XXYLT1: variants seen among roughly 807,000 people sequenced by gnomAD.
The protein encoded by XXYLT1 is xyloside xylosyltransferase 1.
In XXYLT1, 20 loss-of-function variants were observed where a neutral mutation model predicts 28.9. The ratio of observed to expected loss-of-function variants is 0.69; its 90% CI spans 0.49 to 1.00. The LOEUF is 1.00. Among genes scored for constraint, XXYLT1 ranks in the 50% least tolerant of loss-of-function variants. The pLI is 0.00. For synonymous variants in XXYLT1, 257 were observed against 253.8 expected (o/e 1.01, Z -0.12); for missense variants, 542 against 560.1 (o/e 0.97, Z 0.33).
intron 3 of XXYLT1, among the ~76,000 whole-genome samples, chr3:195,153,300 C>T (rs1328934202): frequency 2.0e-5 from 3 of 152,228 alleles, no homozygotes; most frequent in African/African-American, 7.2e-5. Flanking sequence ...CCTTGTCGGC[C>T]AGCCAGTACC....
chr3:195,210,311 C>A lies in XXYLT1; in HGVS notation c.652+16398G>T, dbSNP rs1056650011. Reference sequence around the variant, plus strand: ...CTCGCCTCTTGCTCCCTGTGTGACACCCACTCACTTGGGGTCCCTCCACCA... The same window carrying A: ...CTCGCCTCTTGCTCCCTGTGTGACAACCACTCACTTGGGGTCCCTCCACCA... On this transcript the variant is annotated intron_variant, in intron 2 of 3. Coordinates refer to ENST00000310380, the MANE Select transcript of XXYLT1 (RefSeq NM_152531.5). This position sits in a 1 kb window ranked among gnomAD's most constrained non-coding sequence, Gnocchi z 4.8. 1.3e-5 allele frequency among the ~76,000 whole-genome samples: 2 copies of A among 152,224 alleles called. No homozygotes were observed. The highest frequency in any genetic ancestry group is 2.9e-5 in the Non-Finnish European group (2 of 68,042).
intron 2 of XXYLT1, among the ~76,000 whole-genome samples, chr3:195,201,285 G>A (rs893188942): frequency 6.6e-6 from 1 of 152,192 alleles, no homozygotes; most frequent in African/African-American, 2.4e-5. Context: ...TAGAGTGCAT[G>A]TGAGGAAGGG....
At chr3:195,270,444 C>A in intron 1 of XXYLT1, 111 bp downstream of exon 1, 1 of 1,340,910 alleles carries the variant, frequency 7.5e-7, no homozygotes. Context: ...GCGGGCAGCT[C>A]AGGGAAGATC....
At chr3:195,186,958 G>A (rs1454010855) in intron 2 of XXYLT1, among the ~76,000 whole-genome samples, 2 of 150,284 alleles carry the variant, frequency 1.3e-5, no homozygotes, top group Non-Finnish European at 3.0e-5. Flanking sequence ...GCAGTGGCGC[G>A]ATCTCGGCTC....
intron 2 of XXYLT1, among the ~76,000 whole-genome samples, chr3:195,161,298 T>C (rs1055449668): frequency 6.6e-6 from 1 of 152,212 alleles, no homozygotes; most frequent in Non-Finnish European, 1.5e-5. Context: ...TTCGCCTCGC[T>C]CGATAGTTTG....
rs1308402511 is a variant in XXYLT1 at position 195,078,609 on chromosome 3, GC to G, written c.786-8499del. 6.6e-6 allele frequency among the ~76,000 whole-genome samples: 1 copy of G among 152,052 alleles called. No individual in the cohort carries two copies. Among genetic ancestry groups the G allele is most frequent in the Non-Finnish European group, 1.5e-5 (1 of 68,010 alleles). On this transcript the variant is annotated intron_variant, in intron 3 of 3. Transcript: ENST00000310380. This position sits in a 1 kb window ranked among gnomAD's most constrained non-coding sequence, Gnocchi z 5.0. ...TCCAAGCCTCCTACTAATATCGACT[GC>G]CCGTTCTCTGCCTCTCACTCAAACA...
At position 195,074,637 on chromosome 3, in the gene XXYLT1, C is replaced by T. The variant is rs11928549; in HGVS notation, c.786-4526G>A. ...AAGTCCACCCAGGCCCAGAGGCTCT[C>T]CGGACACCCTGCGCCCTGGCTGGGT... On this transcript the variant is annotated intron_variant, in intron 3 of 3. Transcript: ENST00000310380. Among the ~76,000 whole-genome samples, 672 of 152,328 alleles carry T rather than the reference C, an allele frequency of 4.4e-3. 2 individuals are homozygous for T. The highest frequency in any genetic ancestry group is 0.016 in the African/African-American group (647 of 41,574).
chr3:195,112,146 C>T (rs1717753244), intron 3 of XXYLT1, among the ~76,000 whole-genome samples: 1 of 152,200 alleles, frequency 6.6e-6, no homozygotes. Flanking sequence ...GAGACCATTT[C>T]TAGCCGTCAG....
chr3:195,194,373 T>G (rs1722541780), intron 2 of XXYLT1, among the ~76,000 whole-genome samples: 1 of 152,098 alleles, frequency 6.6e-6, no homozygotes. Flanking sequence ...ATGAGATACC[T>G]TTATACACTC....
chr3:195,263,542 G>A (rs903017769), intron 1 of XXYLT1, among the ~76,000 whole-genome samples: 4 of 152,162 alleles, frequency 2.6e-5, no homozygotes, highest in Admixed American at 6.5e-5. Context: ...CGCCCCTCAC[G>A]CTGTGCCCCT....
chr3:195,226,541 G>T (rs1477931881), intron 2 of XXYLT1, among the ~76,000 whole-genome samples, 168 bp downstream of exon 2: 1 of 152,044 alleles, frequency 6.6e-6, no homozygotes, highest in Non-Finnish European at 1.5e-5. Context: ...TTGATTCTTG[G>T]TGTAGGAAGC....
intron 3 of XXYLT1, among the ~76,000 whole-genome samples, chr3:195,143,816 A>ATATATTTTTTTTT (rs1491248351): frequency 1.3e-5 from 1 of 78,946 alleles, no homozygotes; most frequent in Non-Finnish European, 2.4e-5. Context: ...ATATATATAG[A>ATATATTTTTTTTT]TATAGATATA....
chr3:195,253,503 C>CTTTT (rs1231480044), intron 1 of XXYLT1, among the ~76,000 whole-genome samples: 2 of 130,234 alleles, frequency 1.5e-5, no homozygotes, highest in African/African-American at 3.0e-5. Context: ...CTTTTTTTTT[C>CTTTT]TTTTTTTTTT....
intron 3 of XXYLT1, among the ~76,000 whole-genome samples, chr3:195,110,478 T>TGTATGCGTGTGTGTGGGGGTGAG (rs1717573176): frequency 5.4e-5 from 1 of 18,398 alleles, no homozygotes; most frequent in African/African-American, 1.8e-4. Flanking sequence ...GTGAGGTGTG[T>TGTATGCGTGTGTGTGGGGGTGAG]GTGTATGTGG....
At chr3:195,157,419 G>A (rs1007338259) in intron 2 of XXYLT1, among the ~76,000 whole-genome samples, 3 of 152,218 alleles carry the variant, frequency 2.0e-5, no homozygotes, top group Admixed American at 1.3e-4. Context: ...AGAGCGAAAC[G>A]GCTGAATGAT....
In XXYLT1 at chr3:195,180,362, C is replaced by T; in HGVS notation, c.653-23781G>A. On this transcript the variant is annotated intron_variant, in intron 2 of 3. Coordinates refer to ENST00000310380, the MANE Select transcript of XXYLT1 (RefSeq NM_152531.5). This position sits in a 1 kb window ranked among gnomAD's most constrained non-coding sequence, Gnocchi z 5.8. ...CCACAAAGGTCTGGATGGTTTATCC[C>T]CCTGGCCCGCCTGGCCCTCAAGACA... is the stretch of plus-strand genomic sequence containing the variant. 1 of 985,368 alleles carries T rather than the reference C, an allele frequency of 1.0e-6. No individual in the cohort carries two copies. The highest frequency in any genetic ancestry group is 1.2e-6 in the Non-Finnish European group (1 of 829,990). The allele number at this position is 985,368 out of a possible 1,614,324, so 61.0% of individuals were successfully genotyped here.
At chr3:195,203,627 A>T (rs994595963) in intron 2 of XXYLT1, among the ~76,000 whole-genome samples, 1 of 152,244 alleles carries the variant, frequency 6.6e-6, no homozygotes, top group African/African-American at 2.4e-5. Context: ...TAAAGTAAGG[A>T]GCAAATGGCC....
intron 3 of XXYLT1, among the ~76,000 whole-genome samples, chr3:195,139,833 G>A (rs1338606464): frequency 1.3e-5 from 2 of 152,206 alleles, no homozygotes; most frequent in African/African-American, 4.8e-5. Flanking sequence ...GGGGTGGGCT[G>A]GGCTTGGCTG....
chr3:195,090,643 A>G (rs1716078910), intron 3 of XXYLT1, among the ~76,000 whole-genome samples: 1 of 149,408 alleles, frequency 6.7e-6, no homozygotes, highest in Non-Finnish European at 1.5e-5. Flanking sequence ...AAACACATTC[A>G]AAAGCTAGCA....
Sources: gnomAD v4.1 joint callset for allele counts (sites outside exome capture counted in the v4.1 genomes callset) on GRCh38, gnomAD v4.1.1 for gene constraint, Gnocchi (gnomAD v3.1) non-coding constraint, MANE v1.5 for transcripts, NCBI Gene and HGNC (gene_info 2026-07-23, HGNC 2026-07-21) for gene names.